CUBN: variants seen among roughly 807,000 people sequenced by gnomAD.
CUBN encodes cubilin, also known as 460 kDa receptor.
A neutral mutation model predicts 405.3 loss-of-function variants in CUBN; 282 were observed. The ratio of observed to expected loss-of-function variants is 0.70; its 90% confidence interval spans 0.63 to 0.77. The LOEUF (loss-of-function observed/expected upper bound fraction) is 0.77, where lower values mean the gene tolerates loss of function less well. CUBN is among the 30% of genes least tolerant of loss of function. The probability of loss-of-function intolerance (pLI) is 0.00; values close to 1 mark genes in which losing one functional copy is unlikely to be tolerated. For missense variants in CUBN, 4,514 were observed against 4,475.2 expected, an observed-to-expected ratio of 1.01 and a Z score of -0.25; for synonymous variants, 1,684 against 1,617.0, an observed-to-expected ratio of 1.04 and a Z score of -0.99.
chr10:16,978,947 G>A (rs1274192699), intron 31 of CUBN, among the ~76,000 whole-genome samples: 6 of 152,048 alleles, frequency 3.9e-5, no homozygotes, highest in African/African-American at 1.2e-4. Context: ...CCCCATCGTC[G>A]CAGCCCAAAA....
intron 58 of CUBN, 66 bp from the exon 59 acceptor site, chr10:16,869,919 T>A: frequency 1.7e-6 from 2 of 1,202,444 alleles, no homozygotes; most frequent in Non-Finnish European, 1.2e-6. Context: ...TAGCTTTAGC[T>A]CTTGCAAAAA....
At chr10:16,972,019 C>T (rs1319343774) in intron 31 of CUBN, among the ~76,000 whole-genome samples, 1 of 152,250 alleles carries the variant, frequency 6.6e-6, no homozygotes, top group Admixed American at 6.5e-5. Context: ...TTGTTGCAAT[C>T]CTCACGCTCG....
At chr10:16,908,601 AT>A (rs1841625296) in intron 48 of CUBN, among the ~76,000 whole-genome samples, 1 of 152,252 alleles carries the variant, frequency 6.6e-6, no homozygotes, top group African/African-American at 2.4e-5. Context: ...ACTCTAAAAT[AT>A]TAAATAATAG....
At chr10:16,834,093 T>A (rs1179453457) in intron 64 of CUBN, among the ~76,000 whole-genome samples, 1 of 152,178 alleles carries the variant, frequency 6.6e-6, no homozygotes, top group Non-Finnish European at 1.5e-5. Flanking sequence ...TAAGGATGAA[T>A]GCATTTTCGA....
Position 16,952,286 on chromosome 10 carries a change from C to T in CUBN, c.4959G>A (p.Ala1653=), listed in dbSNP as rs577984421. The change falls in exon 33 of 67, where the codon GCG becomes GCA. Residue 1653 remains alanine, a synonymous_variant. Transcript: ENST00000377833. ...NNQNCSWIIQ[A]QPPLNHITLS... Reference sequence around the variant, plus strand: ...ATTTTTGTTACTTACATGGAGGTTGCGCTTGAATGATCCAGCTGCAGTTCT... The same window carrying T: ...ATTTTTGTTACTTACATGGAGGTTGTGCTTGAATGATCCAGCTGCAGTTCT... 2.9e-5 allele frequency: 47 copies of T among 1,611,218 alleles called. No homozygotes were observed. The highest frequency in any genetic ancestry group is 6.7e-5 in the African/African-American group (5 of 74,952).
intron 28 of CUBN, among the ~76,000 whole-genome samples, chr10:16,998,850 C>T (rs7900486): frequency 0.24 from 36,282 of 152,110 alleles, 4,438 homozygotes; most frequent in East Asian, 0.37. Context: ...CAGGAAGAAA[C>T]AGGTAAACCC....
At chr10:16,898,070 A>G (rs962647470) in intron 54 of CUBN, among the ~76,000 whole-genome samples, 191 of 123,756 alleles carry the variant, frequency 1.5e-3, no homozygotes, top group Non-Finnish European at 3.2e-3. Context: ...TTATATGTAT[A>G]TATATATATA....
chr10:17,103,072 A>G lies in CUBN; in HGVS notation c.1530+53T>C, dbSNP rs974379676. 1.7e-5 allele frequency: 16 copies of G among 951,094 alleles called. 1 individual carries two copies. The highest frequency in any genetic ancestry group is 2.6e-5 in the East Asian group (1 of 38,382). 58.9% of individuals were successfully genotyped at this position (951,094 alleles called of 1,614,324 possible). A position where few individuals can be genotyped will look rare whatever the true frequency, so the allele number is the denominator to read the frequency against. On this transcript the variant is annotated intron_variant, in intron 13 of 66. Coordinates refer to ENST00000377833, the MANE Select transcript of CUBN (RefSeq NM_001081.4). ...ATGTAATAAAATATACACATACTCC[A>G]TATTTATATATACAAATATAATATG...
intron 16 of CUBN, 63 bp downstream of exon 16, chr10:17,085,534 C>T: frequency 6.9e-7 from 1 of 1,452,426 alleles, no homozygotes; most frequent in South Asian, 1.1e-5. Context: ...AAATATAAAA[C>T]AGATGTAAGC....
intron 28 of CUBN, among the ~76,000 whole-genome samples, chr10:17,007,457 AAAG>A (rs1834058359): frequency 6.6e-6 from 1 of 152,246 alleles, no homozygotes; most frequent in South Asian, 2.1e-4. Context: ...TGTCGTTCAC[AAAG>A]AAGCATATTT....
At chr10:17,050,956 C>G (rs1835251417) in intron 22 of CUBN, among the ~76,000 whole-genome samples, 1 of 152,074 alleles carries the variant, frequency 6.6e-6, no homozygotes, top group South Asian at 2.1e-4. Context: ...TAAGATAATA[C>G]AGAGTGTCTA....
In CUBN at chr10:16,999,133, G is replaced by A. The variant is rs138361007; in HGVS notation, c.4169-8618C>T. On this transcript the variant is annotated intron_variant, in intron 28 of 66. Transcript: ENST00000377833. The stretch of plus-strand genomic sequence containing the variant: ...AGCTTAGAAATCAATGCTGTGGACC[G>A]CTATATAATGACCTTTACATTCCTA... Among the ~76,000 whole-genome samples, 486 of 152,262 alleles carry A rather than the reference G, an allele frequency of 3.2e-3. 1 individual carries two copies. The highest frequency in any genetic ancestry group is 0.011 in the African/African-American group (466 of 41,550).
chr10:16,954,283 G>T, intron 32 of CUBN, 106 bp downstream of exon 32: 1 of 1,267,932 alleles, frequency 7.9e-7, no homozygotes, highest in Non-Finnish European at 1.2e-6. Context: ...TACATGTTAA[G>T]TAGAAGGCTG....
rs1588621697 is a variant in CUBN, at chr10:17,067,938, G to C, written c.3008+126C>G. 2.3e-5 allele frequency: 17 copies of C among 737,808 alleles called. No individual in the cohort carries two copies. In the East Asian group the frequency reaches 4.6e-4, roughly 20 times the overall value. 45.7% of individuals were successfully genotyped at this position (737,808 alleles called of 1,614,324 possible). The stretch of plus-strand genomic sequence containing the variant: ...ACTACAGAGTAGTTATGTAGAAATG[G>C]TCATTAAGAAGCATGAGGATCTCAC... On this transcript the variant is annotated intron_variant, in intron 21 of 66. Transcript: ENST00000377833.
chr10:16,859,354 T>A (rs1032871690), intron 59 of CUBN, among the ~76,000 whole-genome samples: 1 of 152,156 alleles, frequency 6.6e-6, no homozygotes, highest in Non-Finnish European at 1.5e-5. Flanking sequence ...GATATATAGA[T>A]GACGAAAAGC....
At chr10:16,900,302 C>A (rs565495182) in intron 53 of CUBN, among the ~76,000 whole-genome samples, 1 of 152,348 alleles carries the variant, frequency 6.6e-6, no homozygotes, top group African/African-American at 2.4e-5. Flanking sequence ...TTGTGCCATA[C>A]CCTTTTGCCG....
At chr10:17,094,581 T>G (rs1286235755) in intron 14 of CUBN, among the ~76,000 whole-genome samples, 1 of 151,994 alleles carries the variant, frequency 6.6e-6, no homozygotes, top group African/African-American at 2.4e-5. Flanking sequence ...AAAATCAACA[T>G]ATAAAATTAG....
intron 28 of CUBN, among the ~76,000 whole-genome samples, chr10:16,998,635 G>A (rs938060212): frequency 8.5e-5 from 13 of 152,166 alleles, no homozygotes; most frequent in African/African-American, 3.1e-4. Flanking sequence ...CAAACTCCCA[G>A]GTAGGTACAA....
chr10:16,859,963 C>A (rs539650481), intron 59 of CUBN, among the ~76,000 whole-genome samples: 7 of 152,006 alleles, frequency 4.6e-5, no homozygotes, highest in African/African-American at 1.7e-4. Context: ...TTGATTATAA[C>A]ATGATAAAAG....
Sources: allele counts gnomAD v4.1 joint callset (sites outside exome capture counted in the v4.1 genomes callset), GRCh38; gene constraint gnomAD v4.1.1; transcripts MANE v1.5; gene names NCBI Gene and HGNC (gene_info 2026-07-23, HGNC 2026-07-21).